Variants in L3MBTL4 observed in about 807,000 individuals in gnomAD.
The protein encoded by L3MBTL4 is lethal(3)malignant brain tumor-like protein 4.
In L3MBTL4, 70 loss-of-function variants were observed where a neutral mutation model predicts 84.5. The observed-to-expected ratio is 0.83, with a 90% CI of 0.68 to 1.01. L3MBTL4 has a LOEUF of 1.01. L3MBTL4 is among the 50% of genes least tolerant of loss of function. The probability of loss-of-function intolerance (pLI) is 0.00; values close to 1 mark genes in which losing one functional copy is unlikely to be tolerated. For missense variants in L3MBTL4, 715 were observed against 754.8 expected, an observed-to-expected ratio of 0.95 and a Z score of 0.62; for synonymous variants, 274 against 259.8, an observed-to-expected ratio of 1.05 and a Z score of -0.52.
intron 5 of L3MBTL4, among the ~76,000 whole-genome samples, chr18:6,252,696 C>G (rs1275548402): frequency 6.6e-6 from 1 of 152,158 alleles, no homozygotes; most frequent in African/African-American, 2.4e-5. Flanking sequence ...ACTCATATGT[C>G]CTGCTAAGAA....
At chr18:6,114,747 A>C (rs1043449182) in intron 14 of L3MBTL4, among the ~76,000 whole-genome samples, 1 of 152,252 alleles carries the variant, frequency 6.6e-6, no homozygotes, top group Non-Finnish European at 1.5e-5. Flanking sequence ...AAAAAAGCTT[A>C]CAAAAGCTAT....
intron 16 of L3MBTL4, among the ~76,000 whole-genome samples, chr18:6,018,831 A>G (rs1397377812): frequency 6.6e-6 from 1 of 152,244 alleles, no homozygotes; most frequent in Non-Finnish European, 1.5e-5. Context: ...ACAGGAAGAG[A>G]CAGCAGCAAG....
At chr18:6,161,259 G>C (rs546710058) in intron 13 of L3MBTL4, among the ~76,000 whole-genome samples, 1 of 152,318 alleles carries the variant, frequency 6.6e-6, no homozygotes, top group East Asian at 1.9e-4. Flanking sequence ...CAGGGTACCA[G>C]GGTGAATTGC....
At chr18:6,167,505 A>G (rs890620231) in intron 13 of L3MBTL4, among the ~76,000 whole-genome samples, 6 of 152,226 alleles carry the variant, frequency 3.9e-5, no homozygotes, top group Non-Finnish European at 8.8e-5. Flanking sequence ...CATCCCTGGG[A>G]TGCAAGGCTG....
At chr18:6,058,693 A>C (rs1044750637) in intron 16 of L3MBTL4, among the ~76,000 whole-genome samples, 1 of 152,170 alleles carries the variant, frequency 6.6e-6, no homozygotes, top group Admixed American at 6.5e-5. Flanking sequence ...GGGAGGAATG[A>C]TGAATAAAGG....
Position 6,368,523 on chromosome 18 carries a change from C to T in L3MBTL4, c.-91+46278G>A, listed in dbSNP as rs147820939. On this transcript the variant is annotated intron_variant, in intron 1 of 18. Transcript: ENST00000317931. ...GCTAAGCACTTTCCATGCATTAACT[C>T]GTGGAACTTCAAGACAACCCTGAGG... Among the ~76,000 whole-genome samples the T allele has an allele frequency of 7.9e-5, 12 of 152,214 alleles. No homozygotes were observed. In the East Asian group the frequency reaches 2.1e-3, roughly 27 times the overall value.
intron 1 of L3MBTL4, among the ~76,000 whole-genome samples, chr18:6,373,563 C>A (rs768706373): frequency 3.9e-5 from 6 of 152,106 alleles, no homozygotes; most frequent in Non-Finnish European, 8.8e-5. Flanking sequence ...TGACAAAGTG[C>A]AAAGAGAAGT....
intron 1 of L3MBTL4, among the ~76,000 whole-genome samples, chr18:6,387,267 T>C (rs954131041): frequency 6.6e-6 from 1 of 152,176 alleles, no homozygotes; most frequent in Non-Finnish European, 1.5e-5. Context: ...ACTATTCCCT[T>C]GCCTACAAAG....
intron 5 of L3MBTL4, 37 bp downstream of exon 5, chr18:6,263,910 G>A (rs375824585): frequency 6.5e-6 from 9 of 1,385,656 alleles, no homozygotes; most frequent in Non-Finnish European, 9.3e-6. Flanking sequence ...CTTAAGTGTT[G>A]CTTCCTTGCA....
At chr18:6,400,911 C>A (rs1475562654) in intron 1 of L3MBTL4, among the ~76,000 whole-genome samples, 1 of 152,188 alleles carries the variant, frequency 6.6e-6, no homozygotes, top group South Asian at 2.1e-4. Context: ...TGACGCAAAA[C>A]CTAACTCGTG....
At chr18:6,154,880 C>CT (rs1486802841) in intron 13 of L3MBTL4, among the ~76,000 whole-genome samples, 2 of 152,026 alleles carry the variant, frequency 1.3e-5, no homozygotes, top group Non-Finnish European at 2.9e-5. Flanking sequence ...GATTCCTCTC[C>CT]TTTTCTAATG....
chr18:6,149,937 G>A (rs1200345710), intron 13 of L3MBTL4, among the ~76,000 whole-genome samples: 1 of 152,020 alleles, frequency 6.6e-6, no homozygotes, highest in East Asian at 1.9e-4. Flanking sequence ...ACTAAACTGG[G>A]ATGATAACGT....
intron 14 of L3MBTL4, among the ~76,000 whole-genome samples, chr18:6,113,262 A>G (rs1398182668): frequency 6.6e-6 from 1 of 152,186 alleles, no homozygotes; most frequent in African/African-American, 2.4e-5. Flanking sequence ...CAACTAACTC[A>G]TATCTGATTA....
chr18:6,285,881 G>A (rs1041181206), intron 4 of L3MBTL4, among the ~76,000 whole-genome samples: 3 of 150,326 alleles, frequency 2.0e-5, no homozygotes, highest in African/African-American at 7.3e-5. Context: ...CACCAGGCTG[G>A]AGTGCAGTGG....
At chr18:6,102,147 T>G (rs897351) in intron 14 of L3MBTL4, among the ~76,000 whole-genome samples, 64,641 of 152,110 alleles carry the variant, frequency 0.42, 19,050 homozygotes, top group African/African-American at 0.84. Context: ...GTTTATCAGC[T>G]TGAACTGAGT....
intron 16 of L3MBTL4, among the ~76,000 whole-genome samples, chr18:6,071,535 C>G (rs1413978709): frequency 6.6e-6 from 1 of 151,262 alleles, no homozygotes; most frequent in Non-Finnish European, 1.5e-5. Flanking sequence ...CTTTGAGAGG[C>G]TGAGGTAAGA....
intron 17 of L3MBTL4, among the ~76,000 whole-genome samples, chr18:5,962,082 A>G (rs1243245660): frequency 6.6e-6 from 1 of 152,100 alleles, no homozygotes; most frequent in Non-Finnish European, 1.5e-5. Flanking sequence ...ATTTTCAATG[A>G]GTTGATTTGA....
At chr18:5,993,310 G>C (rs1057333635) in intron 16 of L3MBTL4, among the ~76,000 whole-genome samples, 1 of 152,194 alleles carries the variant, frequency 6.6e-6, no homozygotes, top group African/African-American at 2.4e-5. Context: ...GACTTTTCCA[G>C]ATAAATCTGG....
chr18:6,080,642 G>T (rs923852162), intron 16 of L3MBTL4, among the ~76,000 whole-genome samples: 1 of 152,154 alleles, frequency 6.6e-6, no homozygotes. Flanking sequence ...CATGAGTGGG[G>T]ACCATAGAGA....
Sources: gnomAD v4.1 joint callset for allele counts (sites outside exome capture counted in the v4.1 genomes callset) on GRCh38, gnomAD v4.1.1 for gene constraint, MANE v1.5 for transcripts, NCBI Gene and HGNC (gene_info 2026-07-23, HGNC 2026-07-21) for gene names.